Variants in CECR2 observed in about 807,000 individuals in gnomAD.
CECR2 encodes the protein CECR2 histone acetyl-lysine reader.
CECR2 carries 30 observed loss-of-function variants against 154.5 expected under a neutral mutation model. The ratio of observed to expected loss-of-function variants is 0.19; its 90% CI spans 0.15 to 0.26. The LOEUF is 0.26. Ranked by LOEUF, CECR2 falls within the 10% of genes least tolerant of loss-of-function variation. The pLI is 1.00. For synonymous variants in CECR2, 725 were observed against 683.7 expected (o/e 1.06, Z -0.94); for missense variants, 1,743 against 1,829.3 (o/e 0.95, Z 0.86).
Position 17,524,288 on chromosome 22 carries a change from C to T in CECR2, c.1108+17C>T, listed in dbSNP as rs777876426. The T allele has an allele frequency of 1.5e-5, 24 of 1,594,606 alleles. No homozygotes were observed. The highest frequency in any genetic ancestry group is 1.9e-4 in the Middle Eastern group (1 of 5,340). ...CAGTGGAAGGTATGTGCAGTGTCCG[C>T]GTGGTCTGGAGAGGTGCATGTCTGT... On this transcript the variant is annotated intron_variant, in intron 9 of 18. Coordinates refer to ENST00000262608, the MANE Select transcript of CECR2 (RefSeq NM_001290047.2).
intron 7 of CECR2, among the ~76,000 whole-genome samples, chr22:17,509,143 C>A (rs2055896981): frequency 6.6e-6 from 1 of 152,068 alleles, no homozygotes. Flanking sequence ...TCCAGCCACT[C>A]AGGAAGCTGA....
At chr22:17,521,796 T>G (rs1271160246) in intron 8 of CECR2, among the ~76,000 whole-genome samples, 1 of 152,210 alleles carries the variant, frequency 6.6e-6, no homozygotes, top group African/African-American at 2.4e-5. Flanking sequence ...TTGCCATTGC[T>G]TTTGGTGTTT....
chr22:17,478,241 C>A (rs1337574454), intron 2 of CECR2, among the ~76,000 whole-genome samples: 2 of 152,094 alleles, frequency 1.3e-5, no homozygotes, highest in African/African-American at 4.8e-5. Flanking sequence ...ACAGGGCAAA[C>A]TCACAAAAAG....
chr22:17,551,427 A>G (rs1422328290), intron 17 of CECR2, among the ~76,000 whole-genome samples: 1 of 152,124 alleles, frequency 6.6e-6, no homozygotes, highest in African/African-American at 2.4e-5. Context: ...CAGTTGTCAT[A>G]TCTTTGTTTT....
At chr22:17,537,588 C>T (rs2056456747) in intron 10 of CECR2, among the ~76,000 whole-genome samples, 1 of 152,174 alleles carries the variant, frequency 6.6e-6, no homozygotes, top group Admixed American at 6.5e-5. Flanking sequence ...TGTCTTGACT[C>T]CTTACTAAAC....
intron 1 of CECR2, among the ~76,000 whole-genome samples, chr22:17,403,005 C>T (rs755575910): frequency 3.7e-4 from 56 of 152,204 alleles, no homozygotes; most frequent in Non-Finnish European, 7.2e-4. Context: ...CCACCCGCCT[C>T]GGCCTCCCTA....
intron 1 of CECR2, among the ~76,000 whole-genome samples, chr22:17,420,806 C>T (rs2054234335): frequency 6.6e-6 from 1 of 152,052 alleles, no homozygotes; most frequent in South Asian, 2.1e-4. Flanking sequence ...ATGCATTTAT[C>T]ACTTATTATC....
In CECR2 at chr22:17,409,447, G is replaced by C. The variant is rs2054035328; in HGVS notation, c.126+39538G>C. On this transcript the variant is annotated intron_variant, in intron 1 of 18. Coordinates refer to ENST00000262608, the MANE Select transcript of CECR2 (RefSeq NM_001290047.2). ...GGGGTTTCACCATGTTGGCCAGGAT[G>C]GTCTCAATCTCTTGACCTCGTGATC... Among the ~76,000 whole-genome samples, 3 of 111,618 alleles carry C rather than the reference G, an allele frequency of 2.7e-5. 1 individual carries two copies. The highest frequency in any genetic ancestry group is 8.9e-5 in the African/African-American group (3 of 33,522). The allele number at this position is 111,618 out of a possible 152,430, so 73.2% of individuals were successfully genotyped here.
chr22:17,524,495 C>T (rs1395370710), intron 9 of CECR2, among the ~76,000 whole-genome samples: 1,968 of 133,300 alleles, frequency 0.015, 77 homozygotes, highest in African/African-American at 0.055. Context: ...CGGGTTCATG[C>T]CATTCTCCTG....
intron 1 of CECR2, among the ~76,000 whole-genome samples, chr22:17,447,033 C>CTGGTTTTTTTTTTTTTTTT (rs1339121774): frequency 3.5e-5 from 4 of 114,110 alleles, no homozygotes; most frequent in Admixed American, 9.4e-5. Flanking sequence ...CGTTTACAAT[C>CTGGTTTTTTTTTTTTTTTT]TTTTTTTTTT....
At chr22:17,400,309 T>G (rs908573096) in intron 1 of CECR2, among the ~76,000 whole-genome samples, 1 of 152,206 alleles carries the variant, frequency 6.6e-6, no homozygotes, top group Non-Finnish European at 1.5e-5. Flanking sequence ...GAGTTTGTAT[T>G]TTAAAAACAA....
At chr22:17,383,724 G>A (rs1419055636) in intron 1 of CECR2, among the ~76,000 whole-genome samples, 1 of 142,962 alleles carries the variant, frequency 7.0e-6, no homozygotes, top group Admixed American at 7.6e-5. Context: ...CGCAGTGGCA[G>A]TACGCTCTCA....
chr22:17,542,951 C>G lies in CECR2; in HGVS notation c.2808C>G (p.Asn936Lys). 6.2e-7 allele frequency: 1 copy of G among 1,613,540 alleles called. No individual in the cohort carries two copies. The highest frequency in any genetic ancestry group is 8.5e-7 in the Non-Finnish European group (1 of 1,179,624). ...TVSAPKPALG[N>K]PGRAPENSEA... ...CAGCCCCCAAGCCTGCCCTGGGCAACCCTGGGAGGGCACCGGAGAACAGTG... is the reference window on the plus strand; with the variant it reads ...CAGCCCCCAAGCCTGCCCTGGGCAAGCCTGGGAGGGCACCGGAGAACAGTG... Residue 936 changes from asparagine to lysine, a missense_variant, in exon 16 of 19, where the codon AAC becomes AAG. Coordinates refer to ENST00000262608, the MANE Select transcript of CECR2 (RefSeq NM_001290047.2).
intron 1 of CECR2, among the ~76,000 whole-genome samples, chr22:17,439,722 C>T (rs1193263228): frequency 3.9e-5 from 6 of 152,094 alleles, no homozygotes; most frequent in Admixed American, 1.3e-4. Context: ...TCTCATTGCT[C>T]CAGTAATGCC....
intron 15 of CECR2, 40 bp from the exon 16 acceptor site, chr22:17,542,117 T>C: frequency 6.3e-7 from 1 of 1,591,384 alleles, no homozygotes; most frequent in Non-Finnish European, 8.6e-7. Context: ...TGTGCCTTAT[T>C]CTGTGAGTCT....
chr22:17,411,511 G>A (rs5746366), intron 1 of CECR2, among the ~76,000 whole-genome samples: 82,403 of 151,966 alleles, frequency 0.54, 22,783 homozygotes, highest in African/African-American at 0.61. Context: ...AGTAATTATC[G>A]GGCTGGGTCG....
At chr22:17,369,192 G>A (rs533971796), upstream of CECR2, among the ~76,000 whole-genome samples, 8 of 151,790 alleles carry the variant, frequency 5.3e-5, no homozygotes, top group South Asian at 1.7e-3. Context: ...CCTCCCTTGG[G>A]AAAGTGCTTC....
At chr22:17,532,600 A>G (rs985613580) in intron 9 of CECR2, among the ~76,000 whole-genome samples, 7 of 150,622 alleles carry the variant, frequency 4.6e-5, no homozygotes, top group African/African-American at 1.5e-4. Flanking sequence ...ATAGGTATGT[A>G]TACATATTTG....
chr22:17,532,704 T>A (rs2056376898), intron 9 of CECR2, among the ~76,000 whole-genome samples: 6 of 37,558 alleles, frequency 1.6e-4, no homozygotes, highest in Non-Finnish European at 3.2e-4. Context: ...ATTATTCTTT[T>A]TTTTTTTTTT....
Sources: allele counts gnomAD v4.1 joint callset (sites outside exome capture counted in the v4.1 genomes callset), GRCh38; gene constraint gnomAD v4.1.1; transcripts MANE v1.5; gene names NCBI Gene and HGNC (gene_info 2026-07-23, HGNC 2026-07-21).